Variants in ITPR2 observed in about 807,000 individuals in gnomAD.
The protein encoded by ITPR2 is inositol 1,4,5-trisphosphate-gated calcium channel ITPR2.
In ITPR2, 207 loss-of-function variants were observed where a neutral mutation model predicts 317.1. That is an observed-to-expected ratio of 0.65 (90% CI 0.58 to 0.73). The LOEUF is 0.73. Among genes scored for constraint, ITPR2 ranks in the 30% least tolerant of loss-of-function variants. The pLI is 0.00. For missense variants in ITPR2, 2,613 were observed against 3,284.0 expected, an observed-to-expected ratio of 0.80 and a Z score of 4.99; for synonymous variants, 1,156 against 1,149.1, an observed-to-expected ratio of 1.01 and a Z score of -0.12.
At chr12:26,556,566 T>TTTGTGTG (rs370599538) in intron 35 of ITPR2, among the ~76,000 whole-genome samples, 191 bp from the exon 36 acceptor site, 569 of 136,252 alleles carry the variant, frequency 4.2e-3, no homozygotes, top group Non-Finnish European at 7.4e-3. Flanking sequence ...ATTTTTTTTT[T>TTTGTGTG]TGTGTGTGTG....
chr12:26,472,500 A>C (rs12311324), intron 45 of ITPR2, among the ~76,000 whole-genome samples: 14,341 of 152,110 alleles, frequency 0.094, 1,441 homozygotes, highest in African/African-American at 0.24. Flanking sequence ...TTAAAAAAAA[A>C]AACAACTTCG....
At chr12:26,828,917 A>G (rs1951052188) in intron 1 of ITPR2, among the ~76,000 whole-genome samples, 5 of 152,338 alleles carry the variant, frequency 3.3e-5, no homozygotes, top group East Asian at 3.9e-4. Context: ...CCCTGGGCAC[A>G]AGAGCCACAT....
At chr12:26,566,152 A>AAGGAGAGGAAAGAGGAGAGGGGAG (rs1308786270) in intron 34 of ITPR2, among the ~76,000 whole-genome samples, 4 of 99,586 alleles carry the variant, frequency 4.0e-5, no homozygotes, top group African/African-American at 1.6e-4. Flanking sequence ...AGGAAAGGAG[A>AAGGAGAGGAAAGAGGAGAGGGGAG]AGGAGAGGAA....
rs375075374 is a variant in ITPR2, at chr12:26,495,217, C to A, written c.5117G>T (p.Gly1706Val). Residue 1706 changes from glycine (G) to valine (V), a missense_variant, in exon 38 of 57, where the codon GGT (glycine) becomes GTT (valine). Coordinates refer to ENST00000381340, the MANE Select transcript of ITPR2 (RefSeq NM_002223.4). The part of the protein sequence containing the change: ...RKILLNRYFK[G>V]DYSIGVNGHL... ...TCCATTCACACCAATACTATAATCA[C>A]CTTTAAAGTATCGATTCAGAAGTAT... The A allele has an allele frequency of 2.5e-6, 4 of 1,607,858 alleles. No individual in the cohort carries two copies. In the African/African-American group the frequency reaches 5.3e-5, roughly 21 times the overall value.
chr12:26,683,301 A>G (rs1040162655), intron 11 of ITPR2, among the ~76,000 whole-genome samples: 1 of 152,142 alleles, frequency 6.6e-6, no homozygotes, highest in Non-Finnish European at 1.5e-5. Flanking sequence ...TCCAAGCTGA[A>G]GTGGAACAAG....
intron 21 of ITPR2, among the ~76,000 whole-genome samples, chr12:26,652,143 T>C (rs1947270344): frequency 6.6e-6 from 1 of 152,164 alleles, no homozygotes; most frequent in African/African-American, 2.4e-5. Flanking sequence ...ACACGATCCC[T>C]TTTCTCTTCC....
At chr12:26,475,521 T>C in intron 44 of ITPR2, 103 bp from the exon 45 acceptor site, 2 of 1,233,160 alleles carry the variant, frequency 1.6e-6, no homozygotes, top group Non-Finnish European at 1.1e-6. Flanking sequence ...GCCTCAAAAG[T>C]ATAAAAGGAC....
At chr12:26,776,808 T>C (rs1183322886) in intron 2 of ITPR2, among the ~76,000 whole-genome samples, 2 of 152,180 alleles carry the variant, frequency 1.3e-5, no homozygotes, top group African/African-American at 4.8e-5. Context: ...CAAGATAATG[T>C]TGATTCTCCT....
chr12:26,494,359 A>G lies in ITPR2; in HGVS notation c.5183-19T>C. 1.3e-6 allele frequency: 2 copies of G among 1,549,052 alleles called. No individual in the cohort carries two copies. Among genetic ancestry groups the G allele is most frequent in the Non-Finnish European group, 1.8e-6 (2 of 1,136,098 alleles). ...AAGCTTCCTGTGATTGGGAAAAATAAATAAATAAACCTTAATTGTAGACAT... is the reference window on the plus strand; with the variant it reads ...AAGCTTCCTGTGATTGGGAAAAATAGATAAATAAACCTTAATTGTAGACAT... On this transcript the variant is annotated intron_variant, in intron 38 of 56. Coordinates refer to ENST00000381340, the MANE Select transcript of ITPR2 (RefSeq NM_002223.4).
chr12:26,761,064 T>G (rs1949622359), intron 2 of ITPR2, among the ~76,000 whole-genome samples: 1 of 152,140 alleles, frequency 6.6e-6, no homozygotes, highest in African/African-American at 2.4e-5. Context: ...AGAGCCAGGC[T>G]TCAGGCCAGG....
chr12:26,778,354 G>A (rs1198118620), intron 2 of ITPR2, among the ~76,000 whole-genome samples: 1 of 152,202 alleles, frequency 6.6e-6, no homozygotes, highest in African/African-American at 2.4e-5. Context: ...TCCCCTATCT[G>A]GCCTGTGCAG....
intron 55 of ITPR2, among the ~76,000 whole-genome samples, chr12:26,380,751 G>A (rs2136616409): frequency 6.6e-6 from 1 of 152,286 alleles, no homozygotes; most frequent in African/African-American, 2.4e-5. Flanking sequence ...AGAAATCTTA[G>A]AAGACTCGAT....
At chr12:26,455,578 C>T (rs114926097) in intron 45 of ITPR2, among the ~76,000 whole-genome samples, 1 of 152,222 alleles carries the variant, frequency 6.6e-6, no homozygotes, top group African/African-American at 2.4e-5. Flanking sequence ...CATTCTGTGA[C>T]ATCCAACACC....
intron 37 of ITPR2, among the ~76,000 whole-genome samples, chr12:26,516,682 CA>C (rs1382364712): frequency 1.3e-5 from 2 of 151,606 alleles, no homozygotes; most frequent in Non-Finnish European, 2.9e-5. Flanking sequence ...TGCTGCATAG[CA>C]AAAAGATAAG....
At chr12:26,670,384 C>T (rs77076760) in intron 13 of ITPR2, among the ~76,000 whole-genome samples, 5 of 152,280 alleles carry the variant, frequency 3.3e-5, no homozygotes, top group Admixed American at 6.5e-5. Flanking sequence ...GCAGCACTCA[C>T]GGTTCACGAA....
intron 34 of ITPR2, among the ~76,000 whole-genome samples, chr12:26,577,746 T>C (rs1422877438): frequency 6.6e-6 from 1 of 152,208 alleles, no homozygotes; most frequent in Non-Finnish European, 1.5e-5. Context: ...TAAAATAACC[T>C]AGGTCAAATT....
At chr12:26,751,057 C>T (rs543083232) in intron 2 of ITPR2, among the ~76,000 whole-genome samples, 17 of 152,170 alleles carry the variant, frequency 1.1e-4, no homozygotes, top group Middle Eastern at 3.4e-3. Context: ...AGGGTGTGCA[C>T]ATTTCAGGGG....
At chr12:26,419,263 C>G in intron 49 of ITPR2, 50 bp from the exon 50 acceptor site, 1 of 1,534,736 alleles carries the variant, frequency 6.5e-7, no homozygotes. Flanking sequence ...TCCTGAAACC[C>G]ACATGGATGA....
intron 37 of ITPR2, among the ~76,000 whole-genome samples, chr12:26,539,134 C>T (rs934373755): frequency 2.6e-5 from 4 of 152,108 alleles, no homozygotes; most frequent in East Asian, 1.9e-4. Context: ...AACAGTATCC[C>T]GAAATTAGTG....
Sources: gnomAD v4.1 joint callset for allele counts (sites outside exome capture counted in the v4.1 genomes callset) on GRCh38, gnomAD v4.1.1 for gene constraint, MANE v1.5 for transcripts, NCBI Gene and HGNC (gene_info 2026-07-23, HGNC 2026-07-21) for gene names.